The following VPS36 variants were observed in gnomAD, a reference collection of about 807,000 sequenced individuals.
VPS36 encodes the protein vacuolar protein sorting 36 homolog.
In VPS36, 31 loss-of-function variants were observed where a neutral mutation model predicts 63.5. The observed-to-expected ratio is 0.49, with a 90% CI of 0.37 to 0.66. The LOEUF (loss-of-function observed/expected upper bound fraction) is 0.66, where lower values mean the gene tolerates loss of function less well. Among genes scored for constraint, VPS36 ranks in the 30% least tolerant of loss-of-function variants. VPS36 has a pLI of 0.00. For synonymous variants in VPS36, 138 were observed against 157.2 expected (o/e 0.88, Z 0.91); for missense variants, 338 against 463.7 (o/e 0.73, Z 2.49).
At chr13:52,440,297 A>T (rs1222354206) in intron 2 of VPS36, among the ~76,000 whole-genome samples, 1 of 151,530 alleles carries the variant, frequency 6.6e-6, no homozygotes, top group African/African-American at 2.4e-5. Flanking sequence ...TTAATTTTTA[A>T]TTTTTATTTT....
chr13:52,416,487 A>C (rs1957993655), intron 12 of VPS36, among the ~76,000 whole-genome samples: 1 of 152,196 alleles, frequency 6.6e-6, no homozygotes, highest in Admixed American at 6.5e-5. Flanking sequence ...AAATATCTGT[A>C]GTCTTGGGGT....
At position 52,419,905 on chromosome 13, in the gene VPS36, G is replaced by A. The variant is rs111569008; in HGVS notation, c.841-1849C>T. ...GGTGGGAAGAGTAGTGGGGAAGGAG[G>A]GATAAAGAGAGGTTGGTTTAATGGG... On this transcript the variant is annotated intron_variant, in intron 10 of 13. Coordinates refer to ENST00000378060, the MANE Select transcript of VPS36 (RefSeq NM_016075.4). Among the ~76,000 whole-genome samples the A allele has an allele frequency of 9.9e-4, 151 of 152,170 alleles. 1 individual carries two copies. In the Middle Eastern group the frequency reaches 0.014, roughly 14 times the overall value.
In VPS36 at chr13:52,439,116, G is replaced by T. The variant is rs185573531; in HGVS notation, c.218C>A (p.Ala73Glu). The change falls in exon 3 of 14, where the codon GCG (alanine) becomes GAG (glutamate). Residue 73 changes from alanine to glutamate, a missense_variant. Transcript: ENST00000378060. The part of the protein sequence containing the change: ...LSQIVFIEEQ[A>E]AGIGKSAKIV... Reference sequence around the variant, plus strand: ...GACTTACCTCTTCCCAATTCCAGCCGCCTGTTCTTCAATGAACACAATTTG... The same window carrying T: ...GACTTACCTCTTCCCAATTCCAGCCTCCTGTTCTTCAATGAACACAATTTG... The T allele has an allele frequency of 6.2e-7, 1 of 1,613,604 alleles. No individual in the cohort carries two copies. The highest frequency in any genetic ancestry group is 8.5e-7 in the Non-Finnish European group (1 of 1,179,818).
intron 2 of VPS36, among the ~76,000 whole-genome samples, chr13:52,439,774 T>G (rs1212356012): frequency 6.6e-6 from 1 of 152,066 alleles, no homozygotes; most frequent in Non-Finnish European, 1.5e-5. Flanking sequence ...AAGAGTAATA[T>G]TTCTATGAAA....
At chr13:52,431,999 C>T (rs1958163159) in intron 6 of VPS36, among the ~76,000 whole-genome samples, 1 of 152,056 alleles carries the variant, frequency 6.6e-6, no homozygotes, top group Non-Finnish European at 1.5e-5. Context: ...ATAATTATAA[C>T]TGATTGAAAT....
At chr13:52,428,918 C>T (rs1958129640) in intron 6 of VPS36, among the ~76,000 whole-genome samples, 1 of 151,822 alleles carries the variant, frequency 6.6e-6, no homozygotes, top group Non-Finnish European at 1.5e-5. Context: ...ATTTTTGTGC[C>T]TTAGAAGAAA....
chr13:52,419,989 C>T (rs1958030413), intron 10 of VPS36, among the ~76,000 whole-genome samples: 1 of 152,046 alleles, frequency 6.6e-6, no homozygotes, highest in South Asian at 2.1e-4. Context: ...GCCTGTAATC[C>T]CAGCACTTTG....
At chr13:52,426,325 C>G (rs1040801722) in intron 8 of VPS36, among the ~76,000 whole-genome samples, 1 of 152,114 alleles carries the variant, frequency 6.6e-6, no homozygotes, top group African/African-American at 2.4e-5. Flanking sequence ...TCAGAAAATG[C>G]CTCTGCTATA....
At chr13:52,418,573 CAAAA>C (rs1201650906) in intron 10 of VPS36, among the ~76,000 whole-genome samples, 2 of 31,156 alleles carry the variant, frequency 6.4e-5, no homozygotes, top group Non-Finnish European at 1.4e-4. Flanking sequence ...GACTCCATCT[CAAAA>C]AAAAAAAAAA....
At chr13:52,427,885 T>G (rs1477759441) in intron 6 of VPS36, among the ~76,000 whole-genome samples, 2 of 152,210 alleles carry the variant, frequency 1.3e-5, no homozygotes, top group Non-Finnish European at 2.9e-5. Flanking sequence ...CTAAAATCAT[T>G]TTCTAATAGG....
intron 11 of VPS36, 81 bp from the exon 12 acceptor site, chr13:52,417,222 T>G: frequency 8.3e-7 from 1 of 1,206,102 alleles, no homozygotes; most frequent in Non-Finnish European, 1.2e-6. Context: ...CTTTTATACC[T>G]TCTTTTATGC....
At chr13:52,425,361 TA>T (rs1480775506) in intron 9 of VPS36, among the ~76,000 whole-genome samples, 2 of 152,102 alleles carry the variant, frequency 1.3e-5, no homozygotes, top group African/African-American at 4.8e-5. Context: ...TTTAAAGGAG[TA>T]TTTATCATTA....
chr13:52,433,539 G>A, intron 6 of VPS36, 123 bp downstream of exon 6: 2 of 795,842 alleles, frequency 2.5e-6, no homozygotes. Flanking sequence ...GAGAATAGGA[G>A]ACTATGTAGC....
intron 2 of VPS36, among the ~76,000 whole-genome samples, chr13:52,440,482 A>G (rs914905492): frequency 3.3e-5 from 5 of 151,600 alleles, no homozygotes; most frequent in African/African-American, 1.2e-4. Context: ...TAGTAGAGAC[A>G]GGGTTTCTCC....
intron 4 of VPS36, among the ~76,000 whole-genome samples, chr13:52,435,466 A>C (rs1250133012): frequency 6.6e-6 from 1 of 152,174 alleles, no homozygotes; most frequent in East Asian, 1.9e-4. Context: ...GTGACAATGA[A>C]ATCAATAGAC....
At chr13:52,417,001 A>G in intron 12 of VPS36, 56 bp downstream of exon 12, 1 of 1,445,152 alleles carries the variant, frequency 6.9e-7, no homozygotes, top group Non-Finnish European at 9.5e-7. Flanking sequence ...TGAGTTGCTA[A>G]GCCTTCGGGT....
At chr13:52,416,975 A>C in intron 12 of VPS36, 82 bp downstream of exon 12, 1 of 1,190,378 alleles carries the variant, frequency 8.4e-7, no homozygotes, top group South Asian at 1.4e-5. Flanking sequence ...TAAATTCAAA[A>C]GGAAATCCTG....
At chr13:52,438,298 G>C (rs1958239421) in intron 3 of VPS36, among the ~76,000 whole-genome samples, 1 of 151,928 alleles carries the variant, frequency 6.6e-6, no homozygotes, top group East Asian at 1.9e-4. Context: ...AAAAATCTAT[G>C]GCTTAAAAAA....
At chr13:52,441,955 C>T (rs1958282332) in intron 2 of VPS36, among the ~76,000 whole-genome samples, 1 of 152,146 alleles carries the variant, frequency 6.6e-6, no homozygotes, top group African/African-American at 2.4e-5. Context: ...CACTGTTACA[C>T]ATGGAACATT....
Sources: gnomAD v4.1 joint callset for allele counts (sites outside exome capture counted in the v4.1 genomes callset) on GRCh38, gnomAD v4.1.1 for gene constraint, MANE v1.5 for transcripts, NCBI Gene and HGNC (gene_info 2026-07-23, HGNC 2026-07-21) for gene names.